Variants in IL4R observed in about 807,000 individuals in gnomAD.
IL4R encodes the protein interleukin-4 receptor subunit alpha.
Under a neutral mutation model 41.5 loss-of-function variants are expected in IL4R, and 17 were observed. The observed-to-expected ratio is 0.41, with a 90% CI of 0.28 to 0.61. The LOEUF is 0.61. Among genes scored for constraint, IL4R ranks in the 20% least tolerant of loss-of-function variants. The pLI is 0.31. For synonymous variants in IL4R, 402 were observed against 422.9 expected, an observed-to-expected ratio of 0.95 and a Z score of 0.61; for missense variants, 974 against 1,043.1, an observed-to-expected ratio of 0.93 and a Z score of 0.91.
rs3024675 is a variant in IL4R, at chr16:27,362,146, A to C, written c.900-106A>C. On this transcript the variant is annotated intron_variant, in intron 10 of 10. Transcript: ENST00000395762. ...ATTATAACGTTAGAAGGCATGTCTGAAGTAGACAGCCATCAGGACATGGTG... is the reference window on the plus strand; with the variant it reads ...ATTATAACGTTAGAAGGCATGTCTGCAGTAGACAGCCATCAGGACATGGTG... 0.024 allele frequency: 24,797 copies of C among 1,044,288 alleles called. 2,030 individuals are homozygous for C. The African/African-American group carries it at 0.25, about 10-fold the overall frequency. The allele number at this position is 1,044,288 out of a possible 1,614,324, so 64.7% of individuals were successfully genotyped here. A position where few individuals can be genotyped will look rare whatever the true frequency, so the allele number is the denominator to read the frequency against.
intron 7 of IL4R, chr16:27,355,010 A>G (rs2086010840): frequency 4.3e-6 from 2 of 467,998 alleles, no homozygotes; most frequent in South Asian, 3.1e-5. Flanking sequence ...ACCCTCATTC[A>G]TTATTTCAGC....
chr16:27,326,766 G>C (rs555492056), intron 1 of IL4R, among the ~76,000 whole-genome samples: 2 of 152,282 alleles, frequency 1.3e-5, no homozygotes, highest in African/African-American at 4.8e-5. Context: ...GTTGGTGGAG[G>C]GGGCCGATTT....
chr16:27,337,588 T>C (rs2085299039), intron 2 of IL4R, among the ~76,000 whole-genome samples: 1 of 151,550 alleles, frequency 6.6e-6, no homozygotes, highest in Admixed American at 6.6e-5. Context: ...TTTTTTTTTT[T>C]TCTCTTTTTG....
chr16:27,347,857 G>T (rs979898525), intron 6 of IL4R, among the ~76,000 whole-genome samples: 1 of 152,330 alleles, frequency 6.6e-6, no homozygotes, highest in South Asian at 2.1e-4. Context: ...CGCCCACAGG[G>T]CTATGACAGT....
chr16:27,346,202 G>A (rs1453477797), intron 5 of IL4R, among the ~76,000 whole-genome samples: 1 of 152,156 alleles, frequency 6.6e-6, no homozygotes, highest in East Asian at 1.9e-4. Flanking sequence ...TCCAGCCTGG[G>A]CAACAGAGTG....
At position 27,344,920 on chromosome 16, in the gene IL4R, C is replaced by G. The variant is rs1290741779; in HGVS notation, c.261C>G (p.His87Gln). 2 of 1,614,168 alleles carry G rather than the reference C, an allele frequency of 1.2e-6. No homozygotes were observed. Among genetic ancestry groups the G allele is most frequent in the South Asian group, 2.2e-5 (2 of 91,088 alleles). The change falls in exon 5 of 11, where the codon CAC (histidine) becomes CAG (glutamine). Residue 87 changes from histidine (H) to glutamine (Q), a missense_variant. By Grantham distance (24) the His-to-Gln change is conservative. Transcript: ENST00000395762. The part of the protein sequence containing the change: ...ENNGGAGCVC[H>Q]LLMDDVVSAD... Reference sequence around the variant, plus strand: ...ACGGAGGCGCGGGGTGCGTGTGCCACCTGCTCATGGATGACGTGGTCAGTG... The same window carrying G: ...ACGGAGGCGCGGGGTGCGTGTGCCAGCTGCTCATGGATGACGTGGTCAGTG...
intron 2 of IL4R, among the ~76,000 whole-genome samples, chr16:27,331,776 TAATACTATTATTATCC>T (rs1461742525): frequency 6.6e-6 from 1 of 152,066 alleles, no homozygotes. Context: ...GTAATAGTAA[TAATACTATTATTATCC>T]AATAATAGTA....
rs746709165 is a variant in IL4R at position 27,363,415 on chromosome 16, A to T, written c.2063A>T (p.Asp688Val). 3 of 1,614,136 alleles carry T rather than the reference A, an allele frequency of 1.9e-6. No individual in the cohort carries two copies. The highest frequency in any genetic ancestry group is 2.5e-6 in the Non-Finnish European group (3 of 1,179,994). The change falls in exon 11 of 11, where the codon GAC becomes GTC. Residue 688 changes from aspartate (D) to valine (V), a missense_variant. Transcript: ENST00000395762. ...CTGGAGCCGGGGGAAAAGGTAGAGG[A>T]CATGCCAAAGCCCCCACTTCCCCAG... is the stretch of plus-strand genomic sequence containing the variant. Reference protein sequence around the residue: ...LGLEPGEKVEDMPKPPLPQEQ... With the variant: ...LGLEPGEKVEVMPKPPLPQEQ...
chr16:27,341,986 C>T lies in IL4R; in HGVS notation c.71-135C>T, dbSNP rs35787552. 8 of 928,698 alleles carry T rather than the reference C, an allele frequency of 8.6e-6. No individual in the cohort carries two copies. The African/African-American group carries it at 1.3e-4, about 15-fold the overall frequency. The allele number at this position is 928,698 out of a possible 1,614,324, so 57.5% of individuals were successfully genotyped here. On this transcript the variant is annotated intron_variant, in intron 3 of 10. Transcript: ENST00000395762. ...AGCTCCAGCAGCCCTGGTCCTGGCCCCAGCTCTGTGGGCGCTGGCCCTCAA... is the reference window on the plus strand; with the variant it reads ...AGCTCCAGCAGCCCTGGTCCTGGCCTCAGCTCTGTGGGCGCTGGCCCTCAA...
intron 4 of IL4R, among the ~76,000 whole-genome samples, chr16:27,344,311 A>T (rs1037648383): frequency 1.2e-4 from 18 of 151,676 alleles, no homozygotes; most frequent in African/African-American, 3.6e-4. Context: ...TCAGGAAAAA[A>T]AAACAAAAAC....
At chr16:27,342,339 T>C (rs950522238) in intron 4 of IL4R, 80 bp downstream of exon 4, 6 of 1,535,970 alleles carry the variant, frequency 3.9e-6, no homozygotes, top group Non-Finnish European at 5.4e-6. Context: ...GTCCAGGTGG[T>C]GCGCTGGAGT....
chr16:27,334,629 T>A (rs2085203548), intron 2 of IL4R, among the ~76,000 whole-genome samples: 1 of 152,104 alleles, frequency 6.6e-6, no homozygotes, highest in Non-Finnish European at 1.5e-5. Context: ...ACCTTTGCCA[T>A]CTCTGCCACA....
At position 27,351,543 on chromosome 16, in the gene IL4R, G is replaced by A. The variant is rs541509367; in HGVS notation, c.514-997G>A. On this transcript the variant is annotated intron_variant, in intron 6 of 10. Transcript: ENST00000395762. ...TTTTTTTTTTTTCCGAGACGAAGTC[G>A]TCACTCTGTCACCCAGGCTGGAGTG... Among the ~76,000 whole-genome samples the A allele has an allele frequency of 1.5e-4, 20 of 132,074 alleles. No homozygotes were observed. The East Asian group carries it at 3.0e-3, about 20-fold the overall frequency. 86.6% of individuals were successfully genotyped at this position (132,074 alleles called of 152,430 possible).
At chr16:27,323,161 C>T (rs1236074159) in intron 1 of IL4R, among the ~76,000 whole-genome samples, 1 of 152,216 alleles carries the variant, frequency 6.6e-6, no homozygotes, top group African/African-American at 2.4e-5. Flanking sequence ...TTACCTGTGC[C>T]CATGTGTTGT....
chr16:27,346,499 C>A lies in IL4R; in HGVS notation c.394C>A (p.His132Asn). ...CAGGGCCCCAGGAAACCTGACAGTTCACACCAATGTCTCCGACACTCTGCT... is the reference window on the plus strand; with the variant it reads ...CAGGGCCCCAGGAAACCTGACAGTTAACACCAATGTCTCCGACACTCTGCT... ...KPRAPGNLTV[H>N]TNVSDTLLLT... The change falls in exon 6 of 11, where the codon CAC becomes AAC. Residue 132 changes from histidine (H) to asparagine (N), a missense_variant. Physicochemically the swap from His to Asn is moderately conservative, Grantham distance 68 (BLOSUM62 1). Transcript: ENST00000395762. 3 of 1,614,186 alleles carry A rather than the reference C, an allele frequency of 1.9e-6. No homozygotes were observed. The highest frequency in any genetic ancestry group is 2.5e-6 in the Non-Finnish European group (3 of 1,180,020).
chr16:27,338,628 C>G (rs2141120609), intron 2 of IL4R, among the ~76,000 whole-genome samples: 1 of 152,114 alleles, frequency 6.6e-6, no homozygotes, highest in South Asian at 2.1e-4. Context: ...AGAGATGGGG[C>G]CTTTGGAGAA....
At chr16:27,359,119 C>T (rs2086194145) in intron 9 of IL4R, 125 bp downstream of exon 9, 1 of 727,014 alleles carries the variant, frequency 1.4e-6, no homozygotes, top group Admixed American at 2.1e-5. Flanking sequence ...AGGAGGGTTG[C>T]AGGGGAGACA....
intron 2 of IL4R, among the ~76,000 whole-genome samples, chr16:27,334,657 G>A (rs1052809372): frequency 2.0e-5 from 3 of 152,116 alleles, no homozygotes; most frequent in African/African-American, 7.2e-5. Flanking sequence ...GTGGGCATCT[G>A]TGTAGTTGTG....
intron 2 of IL4R, among the ~76,000 whole-genome samples, chr16:27,336,241 A>T (rs891234404): frequency 6.6e-6 from 1 of 152,146 alleles, no homozygotes; most frequent in Non-Finnish European, 1.5e-5. Context: ...TTTTGTTATA[A>T]AGTGTTGAAT....
Sources: allele counts gnomAD v4.1 joint callset (sites outside exome capture counted in the v4.1 genomes callset), GRCh38; gene constraint gnomAD v4.1.1; transcripts MANE v1.5; gene names NCBI Gene and HGNC (gene_info 2026-07-23, HGNC 2026-07-21).